NME7: variants seen among roughly 807,000 people sequenced by gnomAD.
NME7 encodes NME/NM23 family member 7.
NME7 carries 41 observed loss-of-function variants against 49.1 expected under a neutral mutation model. The observed-to-expected ratio is 0.83, with a 90% confidence interval of 0.65 to 1.08. NME7 has a LOEUF of 1.08. Among genes scored for constraint, NME7 ranks in the 50% least tolerant of loss-of-function variants. NME7 has a pLI of 0.00. For missense variants in NME7, 423 were observed against 463.4 expected, an observed-to-expected ratio of 0.91 and a Z score of 0.80; for synonymous variants, 139 against 150.6, an observed-to-expected ratio of 0.92 and a Z score of 0.56.
chr1:169,298,103 A>C (rs1199783777), intron 6 of NME7, among the ~76,000 whole-genome samples: 3 of 152,232 alleles, frequency 2.0e-5, no homozygotes, highest in Admixed American at 1.3e-4. Context: ...TGGATTTAAA[A>C]ATAAGGAGTA....
intron 10 of NME7, among the ~76,000 whole-genome samples, chr1:169,209,582 G>T (rs562085263): frequency 3.9e-5 from 6 of 152,138 alleles, no homozygotes; most frequent in African/African-American, 1.4e-4. Flanking sequence ...ATTATTTCTA[G>T]TCCGATTTCC....
chr1:169,269,344 A>ACTTATTCT (rs1649415110), intron 7 of NME7, among the ~76,000 whole-genome samples: 1 of 134,272 alleles, frequency 7.4e-6, no homozygotes, highest in South Asian at 2.3e-4. Context: ...TTTTTCAGAT[A>ACTTATTCT]GAACAGAACA....
intron 1 of NME7, among the ~76,000 whole-genome samples, chr1:169,361,947 C>T (rs1333412654): frequency 6.6e-6 from 1 of 152,114 alleles, no homozygotes; most frequent in Non-Finnish European, 1.5e-5. Context: ...TTGACTCATG[C>T]CTGTAATCCC....
intron 10 of NME7, among the ~76,000 whole-genome samples, chr1:169,228,478 C>T (rs1647439517): frequency 6.6e-6 from 1 of 151,410 alleles, no homozygotes; most frequent in African/African-American, 2.4e-5. Flanking sequence ...GAGATCGAGA[C>T]CATCCTGGCT....
At chr1:169,342,861 ACAAG>A (rs1198075477) in intron 1 of NME7, among the ~76,000 whole-genome samples, 3 of 95,578 alleles carry the variant, frequency 3.1e-5, no homozygotes, top group African/African-American at 1.1e-4. Flanking sequence ...ATATATATAT[ACAAG>A]TACATATATA....
chr1:169,279,795 C>G (rs1298998325), intron 7 of NME7, among the ~76,000 whole-genome samples: 1 of 152,192 alleles, frequency 6.6e-6, no homozygotes, highest in African/African-American at 2.4e-5. Flanking sequence ...ACACTGGGAG[C>G]TGTAGACTGG....
intron 10 of NME7, among the ~76,000 whole-genome samples, chr1:169,171,035 A>T (rs1007993306): frequency 2.6e-5 from 4 of 152,112 alleles, no homozygotes; most frequent in Non-Finnish European, 4.4e-5. Context: ...TCTTTTTCTT[A>T]TTTCCGGTCA....
chr1:169,285,580 T>A (rs1650249003), intron 7 of NME7: 1 of 150,778 alleles, frequency 6.6e-6, no homozygotes, highest in East Asian at 2.1e-4. Context: ...AAACAGGGTT[T>A]GCATCCTCAA....
chr1:169,342,019 G>C lies in NME7; in HGVS notation c.4-17519C>G, dbSNP rs577520932. 5.8e-4 allele frequency among the ~76,000 whole-genome samples: 89 copies of C among 152,242 alleles called. 1 individual carries two copies. The highest frequency in any genetic ancestry group is 2.5e-3 in the Admixed American group (39 of 15,296). ...TAATGCTGGAATGAGTTAAGGCTTT[G>C]GGGGACTATTGGAAAGGCATGATTG... On this transcript the variant is annotated intron_variant, in intron 1 of 11. Transcript: ENST00000367811.
chr1:169,263,572 A>G (rs1206220993), intron 7 of NME7, among the ~76,000 whole-genome samples: 1 of 134,112 alleles, frequency 7.5e-6, no homozygotes, highest in African/African-American at 2.5e-5. Context: ...AACAAAAAGG[A>G]ATGAATAAAA....
intron 7 of NME7, among the ~76,000 whole-genome samples, chr1:169,263,177 A>G (rs1649216643): frequency 7.4e-6 from 1 of 134,350 alleles, no homozygotes; most frequent in South Asian, 2.3e-4. Context: ...AAGAACTCTT[A>G]CAATGGAAAA....
intron 1 of NME7, among the ~76,000 whole-genome samples, chr1:169,349,157 GT>G (rs1653060551): frequency 6.6e-6 from 1 of 152,104 alleles, no homozygotes; most frequent in Non-Finnish European, 1.5e-5. Context: ...TTAAAGAAAA[GT>G]GAGAGCAAGT....
At chr1:169,226,112 T>A (rs934048553) in intron 10 of NME7, among the ~76,000 whole-genome samples, 1 of 152,172 alleles carries the variant, frequency 6.6e-6, no homozygotes, top group Non-Finnish European at 1.5e-5. Flanking sequence ...AAGCACTAAT[T>A]ATATTTGCAC....
chr1:169,188,894 A>C (rs890283299), intron 10 of NME7, among the ~76,000 whole-genome samples: 7 of 152,320 alleles, frequency 4.6e-5, no homozygotes, highest in African/African-American at 1.7e-4. Context: ...TTTGAGATCC[A>C]TGAGGGAATT....
chr1:169,174,873 T>C (rs1659707723), intron 10 of NME7, among the ~76,000 whole-genome samples: 1 of 152,218 alleles, frequency 6.6e-6, no homozygotes, highest in South Asian at 2.1e-4. Flanking sequence ...GACATTACTG[T>C]ATACTACTGC....
intron 11 of NME7, among the ~76,000 whole-genome samples, chr1:169,142,951 C>T (rs1658641011): frequency 6.6e-6 from 1 of 152,104 alleles, no homozygotes; most frequent in Admixed American, 6.6e-5. Flanking sequence ...ACAAGTTCAG[C>T]CTCATCATTT....
chr1:169,276,128 G>C lies in NME7; in HGVS notation c.754+11175C>G, dbSNP rs576571600. 1.0e-4 allele frequency among the ~76,000 whole-genome samples: 14 copies of C among 134,278 alleles called. 4 individuals are homozygous for C. Among genetic ancestry groups the C allele is most frequent in the East Asian group, 4.0e-4 (2 of 5,008 alleles). The allele number at this position is 134,278 out of a possible 152,430, so 88.1% of individuals were successfully genotyped here. ...GGATTTTTGCATCAATGTTCATCAA[G>C]GATATTGGTCTAAAATTCTCTTTTT... On this transcript the variant is annotated intron_variant, in intron 7 of 11. Transcript: ENST00000367811.
chr1:169,355,981 C>T (rs922019592), intron 1 of NME7, among the ~76,000 whole-genome samples: 1 of 152,064 alleles, frequency 6.6e-6, no homozygotes, highest in Non-Finnish European at 1.5e-5. Context: ...GTTTTTGACC[C>T]ATAATTCTAG....
chr1:169,205,836 T>A (rs1045749470), intron 10 of NME7, among the ~76,000 whole-genome samples: 1 of 150,512 alleles, frequency 6.6e-6, no homozygotes, highest in South Asian at 2.3e-4. Flanking sequence ...TTCCACGCTC[T>A]ATGTGATCTT....
Sources: allele counts gnomAD v4.1 joint callset (sites outside exome capture counted in the v4.1 genomes callset), GRCh38; gene constraint gnomAD v4.1.1; transcripts MANE v1.5; gene names NCBI Gene and HGNC (gene_info 2026-07-23, HGNC 2026-07-21).